Variants in CNTROB observed in about 807,000 individuals in gnomAD.
CNTROB encodes the protein centrobin.
A neutral mutation model predicts 115.7 loss-of-function variants in CNTROB; 82 were observed. That is an observed-to-expected ratio of 0.71 (90% CI 0.59 to 0.85). The LOEUF (loss-of-function observed/expected upper bound fraction) is 0.85, where lower values mean the gene tolerates loss of function less well. CNTROB is among the 40% of genes least tolerant of loss of function. CNTROB has a pLI of 0.00. For synonymous variants in CNTROB, 439 were observed against 456.4 expected (o/e 0.96, Z 0.49); for missense variants, 1,014 against 1,144.4 (o/e 0.89, Z 1.64).
intron 13 of CNTROB, among the ~76,000 whole-genome samples, chr17:7,946,823 T>C (rs906834597): frequency 6.6e-6 from 1 of 150,998 alleles, no homozygotes; most frequent in Non-Finnish European, 1.5e-5. Flanking sequence ...AGCTAAGAAG[T>C]TGCCATTGTA....
chr17:7,940,338 G>C (rs1415246935), intron 9 of CNTROB, 96 bp downstream of exon 9: 1 of 1,178,728 alleles, frequency 8.5e-7, no homozygotes, highest in East Asian at 2.6e-5. Context: ...TCCCAGTTCA[G>C]GTGTTTGGGG....
Position 7,948,645 on chromosome 17 carries a change from G to A in CNTROB, c.2513+26G>A, listed in dbSNP as rs759524236. 46 of 1,614,056 alleles carry A rather than the reference G, an allele frequency of 2.8e-5. No individual in the cohort carries two copies. The highest frequency in any genetic ancestry group is 3.6e-5 in the Non-Finnish European group (43 of 1,180,042). ...GTACAAGCCTGGGAGGAAGGAGGAA[G>A]GATTCTCCGGGTGGAAGCTGGATTA... On this transcript the variant is annotated intron_variant, in intron 17 of 18. Coordinates refer to ENST00000563694, the MANE Select transcript of CNTROB (RefSeq NM_053051.5). The surrounding 1 kb of genome is among the most constrained non-coding windows in gnomAD (Gnocchi z 4.4).
intron 9 of CNTROB, 53 bp downstream of exon 9, chr17:7,940,295 GCAGAGGGACCTCT>G: frequency 1.3e-6 from 2 of 1,509,604 alleles, no homozygotes; most frequent in Non-Finnish European, 1.8e-6. Flanking sequence ...TAGATCTGAG[GCAGAGGGACCTCT>G]CAGGAGTTGT....
Position 7,934,559 on chromosome 17 carries a change from T to G in CNTROB, c.437+13T>G. 1 of 1,605,428 alleles carries G rather than the reference T, an allele frequency of 6.2e-7. No individual in the cohort carries two copies. The highest frequency in any genetic ancestry group is 8.5e-7 in the Non-Finnish European group (1 of 1,172,154). The stretch of plus-strand genomic sequence containing the variant: ...CCACCTTGCTCAAGTGAGTTCTCCT[T>G]GTGGTTCTCCTAGCTTGTTTGCTTT... On this transcript the variant is annotated intron_variant, in intron 3 of 18. Coordinates refer to ENST00000563694, the MANE Select transcript of CNTROB (RefSeq NM_053051.5).
rs1974180220 is a variant in CNTROB at position 7,943,661 on chromosome 17, C to T, written c.1445+137C>T. 1 of 915,344 alleles carries T rather than the reference C, an allele frequency of 1.1e-6. No individual in the cohort carries two copies. Among genetic ancestry groups the T allele is most frequent in the South Asian group, 2.0e-5 (1 of 50,392 alleles). 56.7% of individuals were successfully genotyped at this position (915,344 alleles called of 1,614,324 possible). ...GTGCGCTAACTCCCATCAGCTGGGACCTGAGTCTCTCTCGGGAGGGCTGCC... is the reference window on the plus strand; with the variant it reads ...GTGCGCTAACTCCCATCAGCTGGGATCTGAGTCTCTCTCGGGAGGGCTGCC... On this transcript the variant is annotated intron_variant, in intron 10 of 18. Transcript: ENST00000563694. The surrounding 1 kb of genome is among the most constrained non-coding windows in gnomAD (Gnocchi z 4.7).
chr17:7,942,414 G>A (rs1973982419), intron 9 of CNTROB, among the ~76,000 whole-genome samples: 1 of 151,808 alleles, frequency 6.6e-6, no homozygotes, highest in South Asian at 2.1e-4. Flanking sequence ...TGGCTAACAC[G>A]GTGAAACCCC....
chr17:7,940,624 A>G (rs1269659247), intron 9 of CNTROB, among the ~76,000 whole-genome samples: 2 of 42,538 alleles, frequency 4.7e-5, no homozygotes, highest in African/African-American at 1.6e-4. Flanking sequence ...AATAACTTGT[A>G]TTAATTTCTC....
chr17:7,945,686 C>T, intron 12 of CNTROB, 42 bp from the exon 13 acceptor site: 1 of 1,591,544 alleles, frequency 6.3e-7, no homozygotes, highest in Non-Finnish European at 8.6e-7. Flanking sequence ...CTCTTTAAAC[C>T]TACTGTGCTT....
chr17:7,934,075 C>T, intron 1 of CNTROB, 63 bp from the exon 2 acceptor site: 1 of 1,398,850 alleles, frequency 7.1e-7, no homozygotes, highest in Non-Finnish European at 1.0e-6. Flanking sequence ...AAATTCTACC[C>T]TGGCAATAGG....
chr17:7,948,883 CAAAACTCAG>C lies in CNTROB; in HGVS notation c.2514-199_2514-191del. ...TTTTTTTCCTCTTTACCCCTCAGCT[CAAAACTCAG>C]AATCCTAGACTTTTGACTAGCTAGT... On this transcript the variant is annotated intron_variant, in intron 17 of 18. Transcript: ENST00000563694. This position sits in a 1 kb window ranked among gnomAD's most constrained non-coding sequence, Gnocchi z 4.4. 3.4e-6 allele frequency: 5 copies of C among 1,459,228 alleles called. No individual in the cohort carries two copies. The highest frequency in any genetic ancestry group is 4.5e-6 in the Non-Finnish European group (5 of 1,105,842). The allele number at this position is 1,459,228 out of a possible 1,614,324, so 90.4% of individuals were successfully genotyped here.
Position 7,945,854 on chromosome 17 carries a change from G to C in CNTROB, c.1861G>C (p.Asp621His), listed in dbSNP as rs760662529. The change falls in exon 13 of 19, where the codon GAC (aspartate) becomes CAC (histidine). Residue 621 changes from aspartate (D) to histidine (H), a missense_variant. Asp to His is a moderately conservative substitution (Grantham distance 81). Transcript: ENST00000563694. ...ATTGCAGCAGAGCCGGGAAGCAAGGGACGAGCTACCTGGAGCGCCTCCTGT... is the reference window on the plus strand; with the variant it reads ...ATTGCAGCAGAGCCGGGAAGCAAGGCACGAGCTACCTGGAGCGCCTCCTGT... ...PVLQQSREAR[D>H]ELPGAPPVLC... The C allele has an allele frequency of 2.5e-6, 4 of 1,614,182 alleles. No individual in the cohort carries two copies. In the South Asian group the frequency reaches 4.4e-5, roughly 18 times the overall value.
rs375661738 is a variant in CNTROB, at chr17:7,941,514, G to C, written c.1311+1272G>C. Among the ~76,000 whole-genome samples, 8 of 149,360 alleles carry C rather than the reference G, an allele frequency of 5.4e-5. No homozygotes were observed. The East Asian group carries it at 9.9e-4, about 19-fold the overall frequency. On this transcript the variant is annotated intron_variant, in intron 9 of 18. Transcript: ENST00000563694. ...CTAAGAAGGCCGAGGCAGGAGAATCGCTTGAACCCGGGAGGTGGAGGTTGC... is the reference window on the plus strand; with the variant it reads ...CTAAGAAGGCCGAGGCAGGAGAATCCCTTGAACCCGGGAGGTGGAGGTTGC...
intron 12 of CNTROB, 184 bp from the exon 13 acceptor site, chr17:7,945,544 A>T (rs1008607000): frequency 1.7e-6 from 1 of 599,370 alleles, no homozygotes; most frequent in African/African-American, 1.9e-5. Context: ...TAGAGATGGC[A>T]TCTCTCTATG....
Position 7,944,352 on chromosome 17 carries a change from C to A in CNTROB, c.1571+104C>A. On this transcript the variant is annotated intron_variant, in intron 11 of 18. Coordinates refer to ENST00000563694, the MANE Select transcript of CNTROB (RefSeq NM_053051.5). This position sits in a 1 kb window ranked among gnomAD's most constrained non-coding sequence, Gnocchi z 4.0. ...CTGCTCCCTTGATTGATCTGTCCTC[C>A]TCTACATGGGCCCCAGCTCCTTTCA... 6.4e-7 allele frequency: 1 copy of A among 1,552,062 alleles called. No individual in the cohort carries two copies. The highest frequency in any genetic ancestry group is 1.4e-5 in the African/African-American group (1 of 73,786).
In CNTROB at chr17:7,947,902, T is replaced by G. The variant is rs1338557987; in HGVS notation, c.2146-14T>G. 1.9e-6 allele frequency: 3 copies of G among 1,613,712 alleles called. No homozygotes were observed. Among genetic ancestry groups the G allele is most frequent in the Admixed American group, 3.3e-5 (2 of 60,006 alleles). ...TCAGTCCCTAGGGAACTTGACAATC[T>G]TATTCACCCACAGTTGCTGGAGACA... On this transcript the variant is annotated splice_polypyrimidine_tract_variant and intron_variant, in intron 14 of 18. Transcript: ENST00000563694.
intron 1 of CNTROB, among the ~76,000 whole-genome samples, chr17:7,933,813 G>C (rs1272259652): frequency 6.6e-6 from 1 of 152,210 alleles, no homozygotes; most frequent in East Asian, 1.9e-4. Flanking sequence ...GTATTGTATA[G>C]AAAAGGTGTC....
chr17:7,946,232 G>A (rs1461598195), intron 13 of CNTROB, among the ~76,000 whole-genome samples: 1 of 152,194 alleles, frequency 6.6e-6, no homozygotes, highest in Non-Finnish European at 1.5e-5. Flanking sequence ...AGGAACTGAG[G>A]CAGCTAGCTG....
chr17:7,942,901 A>G (rs1424875692), intron 9 of CNTROB, among the ~76,000 whole-genome samples: 1 of 133,822 alleles, frequency 7.5e-6, no homozygotes, highest in African/African-American at 2.9e-5. Context: ...TCCCAGGTTC[A>G]TGCCATTCTC....
At position 7,933,339 on chromosome 17, in the gene CNTROB, TGAA is replaced by T. The variant is rs776064834; in HGVS notation, c.264_266del (p.Lys90del). 6 of 1,612,304 alleles carry T rather than the reference TGAA, an allele frequency of 3.7e-6. No individual in the cohort carries two copies. The South Asian group carries it at 5.5e-5, about 15-fold the overall frequency. On this transcript the variant is annotated inframe_deletion, in exon 1 of 19. Coordinates refer to ENST00000563694, the MANE Select transcript of CNTROB (RefSeq NM_053051.5). ...TTGTCAGTCGGATTGGAAAAGAACTTGAAGAAAAAGGTGAGGGAAGTGTGTCTT... is the reference window on the plus strand; with the variant it reads ...TTGTCAGTCGGATTGGAAAAGAACTTGAAAAAGGTGAGGGAAGTGTGTCTT...
Sources: allele counts gnomAD v4.1 joint callset (sites outside exome capture counted in the v4.1 genomes callset), GRCh38; gene constraint gnomAD v4.1.1; non-coding constraint Gnocchi (gnomAD v3.1); transcripts MANE v1.5; gene names NCBI Gene and HGNC (gene_info 2026-07-23, HGNC 2026-07-21).